The following UBE3A variants were observed in gnomAD, a reference collection of about 807,000 sequenced individuals.
UBE3A encodes the protein ubiquitin-protein ligase E3A.
UBE3A carries 6 observed loss-of-function variants against 83.4 expected under a neutral mutation model. The observed-to-expected ratio is 0.07, with a 90% CI of 0.04 to 0.14. The LOEUF (loss-of-function observed/expected upper bound fraction) is 0.14, where lower values mean the gene tolerates loss of function less well. Ranked by LOEUF, UBE3A falls within the 10% of genes least tolerant of loss-of-function variation. The pLI is 1.00. For synonymous variants in UBE3A, 337 were observed against 355.4 expected (o/e 0.95, Z 0.58); for missense variants, 456 against 1,036.1 (o/e 0.44, Z 7.69).
intron 4 of UBE3A, among the ~76,000 whole-genome samples, chr15:25,398,167 C>CAAAAAA (rs71127052): frequency 3.7e-4 from 37 of 99,156 alleles, no homozygotes; most frequent in African/African-American, 1.9e-3. Context: ...GACTCTGTCT[C>CAAAAAA]AAAAAAAAAA....
At chr15:25,379,228 C>A (rs1418536098) in intron 4 of UBE3A, among the ~76,000 whole-genome samples, 1 of 152,156 alleles carries the variant, frequency 6.6e-6, no homozygotes. Flanking sequence ...ATACTAAGCA[C>A]TATGAAAGTG....
intron 1 of UBE3A, among the ~76,000 whole-genome samples, chr15:25,412,385 C>A (rs1320804569): frequency 6.6e-6 from 1 of 152,196 alleles, no homozygotes; most frequent in Non-Finnish European, 1.5e-5. Flanking sequence ...GCATCTACCA[C>A]TTTCTAGAGT....
chr15:25,355,725 C>G (rs1013920655), intron 9 of UBE3A, among the ~76,000 whole-genome samples, 167 bp downstream of exon 9: 1 of 152,054 alleles, frequency 6.6e-6, no homozygotes, highest in African/African-American at 2.4e-5. Context: ...GCTTTCATAC[C>G]AACTTATATC....
At chr15:25,390,939 TA>T (rs201795004) in intron 4 of UBE3A, among the ~76,000 whole-genome samples, 14,672 of 137,598 alleles carry the variant, frequency 0.11, 1,140 homozygotes, top group East Asian at 0.43. Flanking sequence ...AGAACTCCTG[TA>T]AAAAAAAAAA....
intron 11 of UBE3A, among the ~76,000 whole-genome samples, chr15:25,350,057 G>A (rs887752117): frequency 2.6e-5 from 4 of 152,160 alleles, no homozygotes; most frequent in Non-Finnish European, 5.9e-5. Context: ...CTAGAGTCCA[G>A]GGGTTTGAAA....
At chr15:25,353,752 G>T (rs2076844204) in intron 11 of UBE3A, among the ~76,000 whole-genome samples, 1 of 152,160 alleles carries the variant, frequency 6.6e-6, no homozygotes, top group Non-Finnish European at 1.5e-5. Flanking sequence ...AGCAGGGGAT[G>T]GGGAAGCCTA....
chr15:25,368,650 C>G (rs145245864), intron 6 of UBE3A, among the ~76,000 whole-genome samples: 1,612 of 152,116 alleles, frequency 0.011, 25 homozygotes, highest in Middle Eastern at 0.034. Flanking sequence ...TATAATTAAG[C>G]AGAACTTGCT....
intron 4 of UBE3A, among the ~76,000 whole-genome samples, chr15:25,378,265 G>C (rs1243997590): frequency 6.6e-6 from 1 of 152,096 alleles, no homozygotes; most frequent in Non-Finnish European, 1.5e-5. Flanking sequence ...CTACATAGGA[G>C]GAGAGTGATC....
intron 1 of UBE3A, among the ~76,000 whole-genome samples, chr15:25,429,890 T>C (rs1193819764): frequency 1.4e-5 from 2 of 147,618 alleles, no homozygotes; most frequent in African/African-American, 5.1e-5. Flanking sequence ...CTGTAGTCTC[T>C]GCTACTCAGG....
intron 1 of UBE3A, chr15:25,413,036 A>C (rs1275503706): frequency 8.8e-6 from 4 of 452,102 alleles, no homozygotes; most frequent in South Asian, 6.3e-5. Context: ...CATTTTAAGA[A>C]GCCCTGCCTT....
In UBE3A at chr15:25,339,105, C is replaced by CTTTTTTTTTTTTTTT; in HGVS notation, c.*31_*32insAAAAAAAAAAAAAAA. 9 of 1,440,476 alleles carry CTTTTTTTTTTTTTTT rather than the reference C, an allele frequency of 6.2e-6. No individual in the cohort carries two copies. Among genetic ancestry groups the CTTTTTTTTTTTTTTT allele is most frequent in the South Asian group, 2.9e-5 (2 of 68,836 alleles). 89.2% of individuals were successfully genotyped at this position (1,440,476 alleles called of 1,614,324 possible). On this transcript the variant is annotated 3_prime_UTR_variant, in exon 13 of 13. Coordinates refer to ENST00000648336, the MANE Select transcript of UBE3A (RefSeq NM_130839.5). ...TAAATTTTTTCTTTTTTTTTCCTTC[C>CTTTTTTTTTTTTTTT]TTTTTTTTGTTTTATTTTGTTTTGT...
intron 11 of UBE3A, among the ~76,000 whole-genome samples, chr15:25,340,961 TGTTA>T (rs1327534419): frequency 3.3e-5 from 5 of 152,190 alleles, no homozygotes; most frequent in African/African-American, 1.2e-4. Context: ...ATGACACTTA[TGTTA>T]GTTTGAGTTC....
At position 25,371,501 on chromosome 15, in the gene UBE3A, C is replaced by T. The variant is rs961763751; in HGVS notation, c.673G>A (p.Gly225Ser). The change falls in exon 6 of 13, where the codon GGC becomes AGC. Residue 225 changes from glycine (G) to serine (S), a missense_variant. Gly to Ser is a moderately conservative substitution (Grantham distance 56). Coordinates refer to ENST00000648336, the MANE Select transcript of UBE3A (RefSeq NM_130839.5). This position sits in a 1 kb window ranked among gnomAD's most constrained non-coding sequence, Gnocchi z 5.3. ...ATATCCACAGACACATCATCAGGGC[C>T]TAATTTTTGCAAATTGTTGTCTCCC... ...SQGDNNLQKL[G>S]PDDVSVDIDA... 1 of 1,613,986 alleles carries T rather than the reference C, an allele frequency of 6.2e-7. No homozygotes were observed. Among genetic ancestry groups the T allele is most frequent in the Non-Finnish European group, 8.5e-7 (1 of 1,180,022 alleles).
At chr15:25,354,471 G>A (rs1401009739) in intron 10 of UBE3A, 45 bp from the exon 11 acceptor site, 2 of 1,612,862 alleles carry the variant, frequency 1.2e-6, no homozygotes, top group South Asian at 1.1e-5. Context: ...CTATACTACT[G>A]TATCATTACA....
intron 3 of UBE3A, chr15:25,407,198 G>T (rs2088820427): frequency 7.5e-7 from 1 of 1,326,778 alleles, no homozygotes; most frequent in African/African-American, 1.5e-5. Flanking sequence ...CGACCCTCCA[G>T]CATCAGATGT....
chr15:25,368,880 A>T (rs2079792161), intron 6 of UBE3A, among the ~76,000 whole-genome samples: 1 of 152,320 alleles, frequency 6.6e-6, no homozygotes, highest in South Asian at 2.1e-4. Flanking sequence ...CGAAAGACAG[A>T]TAAGGAAGGT....
intron 4 of UBE3A, chr15:25,391,607 C>T (rs549322653): frequency 2.6e-5 from 4 of 152,174 alleles, no homozygotes; most frequent in Non-Finnish European, 4.4e-5. Flanking sequence ...GAAAAAAGTG[C>T]ATGTGAAATA....
At chr15:25,345,584 A>AC (rs1385911364) in intron 11 of UBE3A, 1 of 152,082 alleles carries the variant, frequency 6.6e-6, no homozygotes. Flanking sequence ...ACACACACAC[A>AC]CACACAAATA....
At chr15:25,432,236 T>A (rs1422591069) in intron 1 of UBE3A, among the ~76,000 whole-genome samples, 1 of 152,192 alleles carries the variant, frequency 6.6e-6, no homozygotes, top group African/African-American at 2.4e-5. Context: ...GAATACATGG[T>A]GCTTTATTGT....
Sources: allele counts gnomAD v4.1 joint callset (sites outside exome capture counted in the v4.1 genomes callset), GRCh38; gene constraint gnomAD v4.1.1; non-coding constraint Gnocchi (gnomAD v3.1); transcripts MANE v1.5; gene names NCBI Gene and HGNC (gene_info 2026-07-23, HGNC 2026-07-21).